PPM1E: variants seen among roughly 807,000 people sequenced by gnomAD.
The protein encoded by PPM1E is protein phosphatase 1E.
A neutral mutation model predicts 65.9 loss-of-function variants in PPM1E; 20 were observed. The observed-to-expected ratio is 0.30, with a 90% CI of 0.21 to 0.44. The LOEUF (loss-of-function observed/expected upper bound fraction) is 0.44, where lower values mean the gene tolerates loss of function less well. Ranked by LOEUF, PPM1E falls within the 20% of genes least tolerant of loss-of-function variation. PPM1E has a pLI of 1.00. For missense variants in PPM1E, 713 were observed against 953.1 expected (o/e 0.75, Z 3.32); for synonymous variants, 352 against 374.9 (o/e 0.94, Z 0.70).
chr17:58,867,527 C>G (rs1250619636), intron 1 of PPM1E, among the ~76,000 whole-genome samples: 2 of 152,092 alleles, frequency 1.3e-5, no homozygotes, highest in Non-Finnish European at 2.9e-5. Flanking sequence ...GAGGGTATTG[C>G]TTAAGGTTTG....
intron 1 of PPM1E, among the ~76,000 whole-genome samples, chr17:58,831,856 A>G (rs2050609364): frequency 1.3e-5 from 2 of 152,126 alleles, no homozygotes; most frequent in South Asian, 4.1e-4. Context: ...TTAATTTCAC[A>G]TTTCAGGAGG....
chr17:58,809,638 C>T (rs555382250), intron 1 of PPM1E, among the ~76,000 whole-genome samples: 1 of 152,312 alleles, frequency 6.6e-6, no homozygotes, highest in African/African-American at 2.4e-5. Flanking sequence ...GTAGCTCGGC[C>T]TTCCAAAGTG....
At chr17:58,891,687 T>C (rs574101388) in intron 1 of PPM1E, among the ~76,000 whole-genome samples, 2 of 152,242 alleles carry the variant, frequency 1.3e-5, no homozygotes, top group Non-Finnish European at 2.9e-5. Context: ...AATGGAAATG[T>C]TACACATTTT....
At chr17:58,842,914 G>A (rs1210290900) in intron 1 of PPM1E, among the ~76,000 whole-genome samples, 1 of 152,128 alleles carries the variant, frequency 6.6e-6, no homozygotes, top group African/African-American at 2.4e-5. Flanking sequence ...CTCCAGCCTG[G>A]GCAACAAGAG....
intron 1 of PPM1E, among the ~76,000 whole-genome samples, chr17:58,758,905 A>T (rs1274462744): frequency 6.6e-6 from 1 of 152,030 alleles, no homozygotes; most frequent in Non-Finnish European, 1.5e-5. Context: ...CCCCGTCTCT[A>T]CTAAAAACAC....
At chr17:58,979,761 A>G (rs1240704157) in intron 6 of PPM1E, among the ~76,000 whole-genome samples, 1 of 152,198 alleles carries the variant, frequency 6.6e-6, no homozygotes, top group East Asian at 1.9e-4. Context: ...ATGCCCAGTA[A>G]CTAGCAATTA....
chr17:58,898,625 G>A (rs1278359525), intron 1 of PPM1E, among the ~76,000 whole-genome samples: 1 of 152,144 alleles, frequency 6.6e-6, no homozygotes, highest in East Asian at 1.9e-4. Context: ...TCTAGAACTA[G>A]AAATACCATT....
At chr17:58,807,257 T>G (rs2050324991) in intron 1 of PPM1E, among the ~76,000 whole-genome samples, 1 of 152,226 alleles carries the variant, frequency 6.6e-6, no homozygotes, top group South Asian at 2.1e-4. Flanking sequence ...GTGAACATAC[T>G]TGATTGCTAA....
At chr17:58,843,527 T>C (rs1400173273) in intron 1 of PPM1E, among the ~76,000 whole-genome samples, 1 of 150,032 alleles carries the variant, frequency 6.7e-6, no homozygotes, top group Non-Finnish European at 1.5e-5. Context: ...AAAATAAAAA[T>C]AAAACTGTAG....
chr17:58,898,849 T>C (rs2051458673), intron 1 of PPM1E, among the ~76,000 whole-genome samples: 1 of 152,068 alleles, frequency 6.6e-6, no homozygotes, highest in South Asian at 2.1e-4. Flanking sequence ...TGCGTTCATG[T>C]CCTTTGTAGC....
At chr17:58,802,157 T>C (rs868347313) in intron 1 of PPM1E, among the ~76,000 whole-genome samples, 12 of 152,370 alleles carry the variant, frequency 7.9e-5, no homozygotes, top group Middle Eastern at 3.4e-3. Flanking sequence ...AGGAGTTTTA[T>C]AGTTTCAGAT....
chr17:58,951,832 C>G (rs1290175501), intron 1 of PPM1E, among the ~76,000 whole-genome samples: 1 of 152,100 alleles, frequency 6.6e-6, no homozygotes, highest in Admixed American at 6.5e-5. Context: ...ATTTTGAATT[C>G]TTTTTCTGGC....
rs141135284 is a variant in PPM1E at position 58,922,127 on chromosome 17, A to G, written c.465-33522A>G. 5.8e-3 allele frequency among the ~76,000 whole-genome samples: 882 copies of G among 151,374 alleles called. 6 individuals carry two copies. Among genetic ancestry groups the G allele is most frequent in the African/African-American group, 9.5e-3 (394 of 41,336 alleles). ...ATTTAGTATGATGAGAGCTTACGTGAGTTATAATTTCTATTTTTTTCAATG... is the reference window on the plus strand; with the variant it reads ...ATTTAGTATGATGAGAGCTTACGTGGGTTATAATTTCTATTTTTTTCAATG... On this transcript the variant is annotated intron_variant, in intron 1 of 6. Transcript: ENST00000308249.
intron 1 of PPM1E, among the ~76,000 whole-genome samples, chr17:58,772,192 C>G (rs2049945511): frequency 6.6e-6 from 1 of 152,112 alleles, no homozygotes; most frequent in African/African-American, 2.4e-5. Context: ...GGCGCGGTGG[C>G]TCACGCCTGT....
At chr17:58,762,440 G>A (rs550806733) in intron 1 of PPM1E, among the ~76,000 whole-genome samples, 1 of 151,964 alleles carries the variant, frequency 6.6e-6, no homozygotes, top group East Asian at 1.9e-4. Flanking sequence ...TCCAGCCTGG[G>A]TAACAGAGTG....
At chr17:58,925,148 G>A (rs898462447) in intron 1 of PPM1E, among the ~76,000 whole-genome samples, 15 of 152,124 alleles carry the variant, frequency 9.9e-5, no homozygotes, top group African/African-American at 2.4e-4. Context: ...TTGAGGAATC[G>A]CTACACTGTC....
At chr17:58,855,918 T>A (rs1286343866) in intron 1 of PPM1E, among the ~76,000 whole-genome samples, 1 of 152,188 alleles carries the variant, frequency 6.6e-6, no homozygotes, top group Non-Finnish European at 1.5e-5. Flanking sequence ...AGACTAGATG[T>A]TTATTGCTAT....
intron 1 of PPM1E, among the ~76,000 whole-genome samples, chr17:58,842,104 A>G (rs2050725372): frequency 6.6e-6 from 1 of 152,146 alleles, no homozygotes; most frequent in Non-Finnish European, 1.5e-5. Context: ...GGCCTCCCAA[A>G]GTACTGGGAC....
At chr17:58,817,408 A>G (rs193033086) in intron 1 of PPM1E, among the ~76,000 whole-genome samples, 7 of 152,238 alleles carry the variant, frequency 4.6e-5, no homozygotes, top group Admixed American at 3.3e-4. Flanking sequence ...TTATTACCTT[A>G]TATTTAAAAT....
Sources: allele counts gnomAD v4.1 joint callset (sites outside exome capture counted in the v4.1 genomes callset), GRCh38; gene constraint gnomAD v4.1.1; transcripts MANE v1.5; gene names NCBI Gene and HGNC (gene_info 2026-07-23, HGNC 2026-07-21).